The following NEDD9 variants were observed in gnomAD, a reference collection of about 807,000 sequenced individuals.
The protein encoded by NEDD9 is enhancer of filamentation 1.
Under a neutral mutation model 76.6 loss-of-function variants are expected in NEDD9, and 26 were observed. The observed-to-expected ratio is 0.34, with a 90% CI of 0.25 to 0.47. The LOEUF (loss-of-function observed/expected upper bound fraction) is 0.47. NEDD9 is among the 20% of genes least tolerant of loss of function. NEDD9 has a pLI of 1.00. For missense variants in NEDD9, 937 were observed against 1,058.5 expected (o/e 0.89, Z 1.59); for synonymous variants, 392 against 414.2 (o/e 0.95, Z 0.65).
intron 2 of NEDD9, among the ~76,000 whole-genome samples, chr6:11,204,719 C>CAAA (rs58621043): frequency 0.027 from 1,755 of 64,966 alleles, 76 homozygotes; most frequent in African/African-American, 0.087. Context: ...GGGTCCGTCT[C>CAAA]AAAAAAAAAA....
chr6:11,245,210 G>A (rs538998322), intron 3 of NEDD9, among the ~76,000 whole-genome samples: 114 of 152,282 alleles, frequency 7.5e-4, no homozygotes, highest in African/African-American at 2.6e-3. Context: ...CTGCTATGAT[G>A]GCAGAAATAG....
At chr6:11,359,665 G>A (rs763341183) in intron 1 of NEDD9, among the ~76,000 whole-genome samples, 7 of 152,228 alleles carry the variant, frequency 4.6e-5, no homozygotes, top group African/African-American at 1.2e-4. Context: ...CCATGGTTAA[G>A]GCAGAATAGA....
At chr6:11,280,442 C>A (rs777092657) in intron 3 of NEDD9, among the ~76,000 whole-genome samples, 2 of 152,182 alleles carry the variant, frequency 1.3e-5, no homozygotes, top group Non-Finnish European at 2.9e-5. Flanking sequence ...TCAGAACTGG[C>A]CAGGGGAAAT....
At position 11,268,230 on chromosome 6, in the gene NEDD9, C is replaced by T. The variant is rs373611450; in HGVS notation, c.12+37762G>A. ...TTGCTTTTTAATAGAGTCGGGGTTT[C>T]GCCATGTTACCTAGGCTGGTCTCAA... On this transcript the variant is annotated intron_variant, in intron 3 of 3. Transcript: ENST00000397378. 2.8e-4 allele frequency among the ~76,000 whole-genome samples: 43 copies of T among 151,976 alleles called. No homozygotes were observed. In the East Asian group the frequency reaches 7.6e-3, roughly 27 times the overall value.
chr6:11,338,687 G>A lies in NEDD9; in HGVS notation c.-213-4126C>T, dbSNP rs184062102. 4.3e-3 allele frequency among the ~76,000 whole-genome samples: 650 copies of A among 152,180 alleles called. 2 individuals carry two copies. The highest frequency in any genetic ancestry group is 0.015 in the African/African-American group (617 of 41,530). On this transcript the variant is annotated intron_variant, in intron 1 of 3. Transcript: ENST00000397378. ...ACCTGTAATCCCAGCACTTTGGGAG[G>A]CCAAGGCAGGCAGATCACAAGGTCA...
At chr6:11,285,509 G>C (rs1483951942) in intron 3 of NEDD9, among the ~76,000 whole-genome samples, 1 of 151,896 alleles carries the variant, frequency 6.6e-6, no homozygotes, top group Admixed American at 6.6e-5. Flanking sequence ...ACTTCATATA[G>C]AAACACAAAG....
At chr6:11,250,816 G>C (rs540549969) in intron 3 of NEDD9, among the ~76,000 whole-genome samples, 1 of 152,262 alleles carries the variant, frequency 6.6e-6, no homozygotes, top group Non-Finnish European at 1.5e-5. Flanking sequence ...AATTTAACAA[G>C]GTCCCAGGCT....
intron 3 of NEDD9, among the ~76,000 whole-genome samples, chr6:11,280,739 C>T (rs934604615): frequency 6.6e-6 from 1 of 152,258 alleles, no homozygotes; most frequent in Non-Finnish European, 1.5e-5. Flanking sequence ...ACGCTTGGAG[C>T]CCTCTTCTGC....
intron 1 of NEDD9, among the ~76,000 whole-genome samples, chr6:11,355,802 G>C (rs1582046332): frequency 6.6e-6 from 1 of 152,126 alleles, no homozygotes; most frequent in African/African-American, 2.4e-5. Flanking sequence ...CTCACTGCAA[G>C]CTCCGCCTCC....
chr6:11,237,412 C>T (rs887171703), upstream of NEDD9, among the ~76,000 whole-genome samples: 1 of 152,132 alleles, frequency 6.6e-6, no homozygotes, highest in Non-Finnish European at 1.5e-5. This position sits in a 1 kb window ranked among gnomAD's most constrained non-coding sequence, Gnocchi z 4.9. Context: ...AGGAAGGGAA[C>T]AGGGAAGACA....
chr6:11,323,148 G>A (rs62395339), intron 2 of NEDD9, among the ~76,000 whole-genome samples: 11,032 of 152,212 alleles, frequency 0.072, 511 homozygotes, highest in Middle Eastern at 0.11. Flanking sequence ...GCAAAGGGAC[G>A]GTGAGCTCAC....
chr6:11,319,807 T>A (rs576086289), intron 2 of NEDD9, among the ~76,000 whole-genome samples: 2 of 150,424 alleles, frequency 1.3e-5, no homozygotes, highest in South Asian at 4.2e-4. Context: ...CACACACTGG[T>A]GCACACTTGC....
intron 1 of NEDD9, among the ~76,000 whole-genome samples, chr6:11,376,642 C>A (rs1387215452): frequency 1.3e-5 from 2 of 152,144 alleles, no homozygotes; most frequent in East Asian, 3.8e-4. Context: ...AAAGAAGTGA[C>A]TTAACATTGA....
At chr6:11,232,779 GA>G, upstream of NEDD9, 12 of 1,217,788 alleles carry the variant, frequency 9.9e-6, no homozygotes, top group Non-Finnish European at 1.3e-5. Context: ...CCCTAATTCT[GA>G]AAAACTGACA....
chr6:11,350,935 T>C (rs1762456821), intron 1 of NEDD9, among the ~76,000 whole-genome samples: 1 of 152,188 alleles, frequency 6.6e-6, no homozygotes, highest in African/African-American at 2.4e-5. Flanking sequence ...TTTCTTGACA[T>C]ATAATCGACA....
At chr6:11,302,794 G>C (rs1177619405) in intron 3 of NEDD9, among the ~76,000 whole-genome samples, 2 of 152,088 alleles carry the variant, frequency 1.3e-5, no homozygotes, top group Admixed American at 6.6e-5. Flanking sequence ...ATGCAGAAAA[G>C]GCCTTCGATA....
chr6:11,274,671 T>A (rs1760382677), intron 3 of NEDD9, among the ~76,000 whole-genome samples: 1 of 152,184 alleles, frequency 6.6e-6, no homozygotes, highest in African/African-American at 2.4e-5. Context: ...ACCTCAGACC[T>A]GTTAGAATTG....
chr6:11,371,275 C>G (rs529166629), intron 1 of NEDD9, among the ~76,000 whole-genome samples: 1 of 152,304 alleles, frequency 6.6e-6, no homozygotes, highest in South Asian at 2.1e-4. Flanking sequence ...ATTGACACAT[C>G]ATTATGACCC....
At chr6:11,246,947 C>T (rs1243510428) in intron 3 of NEDD9, among the ~76,000 whole-genome samples, 2 of 152,084 alleles carry the variant, frequency 1.3e-5, no homozygotes, top group African/African-American at 2.4e-5. Context: ...GACGACTGCC[C>T]TGCAACCTCC....
Sources: allele counts gnomAD v4.1 joint callset (sites outside exome capture counted in the v4.1 genomes callset), GRCh38; gene constraint gnomAD v4.1.1; non-coding constraint Gnocchi (gnomAD v3.1); transcripts MANE v1.5; gene names NCBI Gene and HGNC (gene_info 2026-07-23, HGNC 2026-07-21).